Variants in ANK3 observed in about 807,000 individuals in gnomAD.
ANK3 encodes the protein ankyrin-3.
Under a neutral mutation model 370.9 loss-of-function variants are expected in ANK3, and 57 were observed. The ratio of observed to expected loss-of-function variants is 0.15; its 90% CI spans 0.12 to 0.19. The LOEUF (loss-of-function observed/expected upper bound fraction) is 0.19, where lower values mean the gene tolerates loss of function less well. ANK3 is among the 10% of genes least tolerant of loss of function. The probability of loss-of-function intolerance (pLI) is 1.00; values close to 1 mark genes in which losing one functional copy is unlikely to be tolerated. For missense variants in ANK3, 4,439 were observed against 5,302.1 expected, an observed-to-expected ratio of 0.84 and a Z score of 5.06; for synonymous variants, 1,929 against 1,946.3, an observed-to-expected ratio of 0.99 and a Z score of 0.23.
intron 7 of ANK3, among the ~76,000 whole-genome samples, chr10:60,249,640 A>T (rs996815079): frequency 1.5e-4 from 23 of 152,338 alleles, no homozygotes; most frequent in Admixed American, 1.5e-3. Flanking sequence ...GAAGTTTCTA[A>T]AGAAAGATGG....
Position 60,154,280 on chromosome 10 carries a change from A to T in ANK3, c.2614+12311T>A, listed in dbSNP as rs12265516. Among the ~76,000 whole-genome samples, 1,125 of 152,312 alleles carry T rather than the reference A, an allele frequency of 7.4e-3. 14 individuals carry two copies. Among genetic ancestry groups the T allele is most frequent in the African/African-American group, 0.026 (1,073 of 41,572 alleles). On this transcript the variant is annotated intron_variant, in intron 23 of 43. Transcript: ENST00000280772. Reference sequence around the variant, plus strand: ...CAAACCCTTGAATCACCTGAGGGCAACCTGATCTCCATGGCCTCTTTCCAG... The same window carrying T: ...CAAACCCTTGAATCACCTGAGGGCATCCTGATCTCCATGGCCTCTTTCCAG...
intron 1 of ANK3, among the ~76,000 whole-genome samples, chr10:60,719,013 C>T (rs1256055790): frequency 6.6e-6 from 1 of 152,092 alleles, no homozygotes; most frequent in African/African-American, 2.4e-5. Flanking sequence ...ATCTTCCTCC[C>T]CTCAAAATTC....
chr10:60,102,155 G>A (rs2091379667), intron 28 of ANK3, among the ~76,000 whole-genome samples: 1 of 149,562 alleles, frequency 6.7e-6, no homozygotes, highest in South Asian at 2.2e-4. Context: ...ATACAACCTT[G>A]TAGGTACACA....
chr10:60,064,407 A>G lies in ANK3; in HGVS notation c.12320-119T>C, dbSNP rs372321890. ...GAATTTTATAGTCAAGCTCAAGTAC[A>G]GCCTCAGGAATTAATTTTTATATAC... is the stretch of plus-strand genomic sequence containing the variant. On this transcript the variant is annotated intron_variant, in intron 38 of 43. Transcript: ENST00000280772. 19 of 1,038,134 alleles carry G rather than the reference A, an allele frequency of 1.8e-5. No individual in the cohort carries two copies. In the African/African-American group the frequency reaches 2.5e-4, roughly 14 times the overall value. The allele number at this position is 1,038,134 out of a possible 1,614,324, so 64.3% of individuals were successfully genotyped here.
chr10:60,568,828 A>T (rs1303912803), intron 2 of ANK3, among the ~76,000 whole-genome samples: 1 of 152,138 alleles, frequency 6.6e-6, no homozygotes, highest in Non-Finnish European at 1.5e-5. Context: ...AGGTCCTAAT[A>T]TGATAGGATT....
intron 23 of ANK3, among the ~76,000 whole-genome samples, chr10:60,149,898 A>G (rs1188944080): frequency 6.6e-6 from 1 of 152,128 alleles, no homozygotes; most frequent in East Asian, 1.9e-4. Context: ...TAGTAGAGAC[A>G]GGGTTTCGCC....
chr10:60,448,888 GCTCCAACCTTGTCCCATGAAT>G (rs2064522185), intron 2 of ANK3, among the ~76,000 whole-genome samples: 1 of 152,174 alleles, frequency 6.6e-6, no homozygotes, highest in African/African-American at 2.4e-5. Flanking sequence ...TTGGCCAATG[GCTCCAACCTTGTCCCATGAAT>G]CCCTGGATGC....
chr10:60,550,640 A>G (rs1237956830), intron 2 of ANK3, among the ~76,000 whole-genome samples: 2 of 152,106 alleles, frequency 1.3e-5, no homozygotes, highest in Non-Finnish European at 2.9e-5. Flanking sequence ...TGGCAGCATG[A>G]AAGTATAAAC....
rs73269464 is a variant in ANK3 at position 60,207,814 on chromosome 10, T to C, written c.1194+222A>G. ...TTTGGGTTCATACGGGAATCACTTA[T>C]GTGACCATAAAAACATTAACAGTTT... On this transcript the variant is annotated intron_variant, in intron 10 of 43. Coordinates refer to ENST00000280772, the MANE Select transcript of ANK3 (RefSeq NM_020987.5). Among the ~76,000 whole-genome samples the C allele has an allele frequency of 0.073, 11,172 of 152,266 alleles. 1,317 individuals carry two copies. Among genetic ancestry groups the C allele is most frequent in the African/African-American group, 0.25 (10,341 of 41,524 alleles).
At chr10:60,479,362 T>G (rs2075152408) in intron 2 of ANK3, among the ~76,000 whole-genome samples, 1 of 152,132 alleles carries the variant, frequency 6.6e-6, no homozygotes, top group African/African-American at 2.4e-5. Context: ...TGCACAGGTT[T>G]GTAGACTAGG....
intron 38 of ANK3, among the ~76,000 whole-genome samples, chr10:60,066,485 C>G (rs996017721): frequency 6.6e-6 from 1 of 152,036 alleles, no homozygotes; most frequent in Non-Finnish European, 1.5e-5. Flanking sequence ...AAACATTATT[C>G]AGACCACCTA....
chr10:60,471,925 C>A (rs1445833446), intron 2 of ANK3, among the ~76,000 whole-genome samples: 1 of 151,612 alleles, frequency 6.6e-6, no homozygotes, highest in Non-Finnish European at 1.5e-5. Flanking sequence ...AGAAGAGTTA[C>A]AAAAAGGAGC....
At chr10:60,240,526 A>G (rs1403816143) in intron 7 of ANK3, among the ~76,000 whole-genome samples, 1 of 151,730 alleles carries the variant, frequency 6.6e-6, no homozygotes, top group Non-Finnish European at 1.5e-5. Context: ...CTGGTCTGGA[A>G]CTGCCAACCT....
chr10:60,574,656 C>A (rs529024603), intron 2 of ANK3, among the ~76,000 whole-genome samples: 1 of 152,186 alleles, frequency 6.6e-6, no homozygotes, highest in African/African-American at 2.4e-5. Context: ...ACTGCTTCTA[C>A]CGCTCATTGA....
At chr10:60,728,185 C>T (rs1016408576) in intron 1 of ANK3, among the ~76,000 whole-genome samples, 33 of 152,246 alleles carry the variant, frequency 2.2e-4, no homozygotes, top group African/African-American at 7.9e-4. Flanking sequence ...GAAAGAAAAC[C>T]TCAAGGACCC....
Position 60,319,487 on chromosome 10 carries a change from T to C in ANK3, c.115-39848A>G, listed in dbSNP as rs556608839. Among the ~76,000 whole-genome samples, 18 of 152,282 alleles carry C rather than the reference T, an allele frequency of 1.2e-4. No individual in the cohort carries two copies. The East Asian group carries it at 2.9e-3, about 24-fold the overall frequency. ...GGGGAAAAACAACTGGATAGTAAGA[T>C]AGAATTTGTTATAAAGAAATATATC... On this transcript the variant is annotated intron_variant, in intron 1 of 43. Coordinates refer to ENST00000280772, the MANE Select transcript of ANK3 (RefSeq NM_020987.5).
chr10:60,081,837 G>T, intron 35 of ANK3: 1 of 238,632 alleles, frequency 4.2e-6, no homozygotes. Context: ...TCTCACTATT[G>T]CACTTGACTT....
Position 60,076,087 on chromosome 10 carries a change from G to A in ANK3, c.4794C>T (p.Thr1598=), listed in dbSNP as rs1040680487. 8 of 1,613,996 alleles carry A rather than the reference G, an allele frequency of 5.0e-6. No individual in the cohort carries two copies. The African/African-American group carries it at 5.3e-5, about 11-fold the overall frequency. Residue 1598 remains threonine (T), a synonymous_variant, in exon 37 of 44, where the codon ACC becomes ACT. Coordinates refer to ENST00000280772, the MANE Select transcript of ANK3 (RefSeq NM_020987.5). The part of the protein sequence containing the change: ...SPYNIQVSSG[T]LARAPAVTEA... ...CCGTGACTGCTGGAGCTCTAGCCAG[G>A]GTACCAGAGGAAACTTGGATATTGT...
At chr10:60,247,749 C>A (rs930781661) in intron 7 of ANK3, among the ~76,000 whole-genome samples, 1 of 152,104 alleles carries the variant, frequency 6.6e-6, no homozygotes, top group Non-Finnish European at 1.5e-5. Flanking sequence ...CTCACTGCAA[C>A]CTCCGCCTCC....
Sources: gnomAD v4.1 joint callset for allele counts (sites outside exome capture counted in the v4.1 genomes callset) on GRCh38, gnomAD v4.1.1 for gene constraint, MANE v1.5 for transcripts, NCBI Gene and HGNC (gene_info 2026-07-23, HGNC 2026-07-21) for gene names.